GCNA: variants seen among roughly 807,000 people sequenced by gnomAD.
The protein encoded by GCNA is germ cell nuclear acidic protein.
A neutral mutation model predicts 38.8 loss-of-function variants in GCNA; 3 were observed. That is an observed-to-expected ratio of 0.08 (90% confidence interval 0.04 to 0.20). GCNA has a LOEUF of 0.20. Among genes scored for constraint, GCNA ranks in the 10% least tolerant of loss-of-function variants. The pLI is 1.00. For missense variants in GCNA, 446 were observed against 578.6 expected (o/e 0.77, Z 2.35); for synonymous variants, 195 against 240.2 (o/e 0.81, Z 1.74).
At chrX:71,580,938 G>A in intron 2 of GCNA, 58 bp downstream of exon 2, 1 of 1,055,437 alleles carries the variant, frequency 9.5e-7, no homozygotes, top group Admixed American at 2.6e-5. Flanking sequence ...TGGCAAAACA[G>A]CTTTCTCGAG....
intron 11 of GCNA, 104 bp downstream of exon 11, chrX:71,610,923 C>T: frequency 1.8e-6 from 2 of 1,084,299 alleles, no homozygotes; most frequent in Non-Finnish European, 2.5e-6. Context: ...CTCGAACTGT[C>T]ATTCTTGGGT....
Position 71,582,028 on chromosome X carries a change from G to A in GCNA, c.59+1148G>A, listed in dbSNP as rs751291581. On this transcript the variant is annotated intron_variant, in intron 2 of 12. Coordinates refer to ENST00000373696, the MANE Select transcript of GCNA (RefSeq NM_052957.5). ...GACATTAAAATTTTCAGCTTTGGCC[G>A]GGCACACTTTGGGAGGCAGAGGTGG... Among the ~76,000 whole-genome samples the A allele has an allele frequency of 1.6e-4, 17 of 109,436 alleles. No homozygotes were observed. The East Asian group carries it at 4.2e-3, about 27-fold the overall frequency.
intron 10 of GCNA, among the ~76,000 whole-genome samples, chrX:71,610,296 G>A (rs1011259040): frequency 8.9e-6 from 1 of 112,135 alleles, no homozygotes; most frequent in African/African-American, 3.2e-5. Flanking sequence ...AAACTCTGGA[G>A]TTAATATTTT....
rs367815000 is a variant in GCNA at position 71,612,921 on chromosome X, G to T, written c.2015G>T (p.Gly672Val). The T allele has an allele frequency of 8.3e-7, 1 of 1,211,638 alleles. No individual in the cohort carries two copies. The highest frequency in any genetic ancestry group is 3.0e-5 in the East Asian group (1 of 33,842). The change falls in exon 13 of 13, where the codon GGG becomes GTG. Residue 672 changes from glycine to valine, a missense_variant. Physicochemically the swap from Gly to Val is moderately radical, Grantham distance 109. This residue lies in a region of GCNA where 34 missense variants were observed against 33.2 expected (regional missense o/e 1.02). Coordinates refer to ENST00000373696, the MANE Select transcript of GCNA (RefSeq NM_052957.5). ...CGCTTCATCTGTGCCAAATGCAAGG[G>T]GTCTCTGGTCATGGTGCCATTAACT... is the stretch of plus-strand genomic sequence containing the variant. ...TSRFICAKCK[G>V]SLVMVPLTQK...
chrX:71,610,830 G>A lies in GCNA; in HGVS notation c.1750+11G>A. 1 of 1,210,881 alleles carries A rather than the reference G, an allele frequency of 8.3e-7. No individual in the cohort carries two copies. The highest frequency in any genetic ancestry group is 1.1e-6 in the Non-Finnish European group (1 of 895,031). ...TCTGCGACTCTGCAGGTGATGGCAG[G>A]AGTGTGGTAGCTTCACCACTGTGCT... On this transcript the variant is annotated intron_variant, in intron 11 of 12. Coordinates refer to ENST00000373696, the MANE Select transcript of GCNA (RefSeq NM_052957.5).
intron 9 of GCNA, among the ~76,000 whole-genome samples, chrX:71,607,973 G>C (rs2040780512): frequency 8.9e-6 from 1 of 112,014 alleles, no homozygotes; most frequent in Non-Finnish European, 1.9e-5. Context: ...ATAGAGCTTT[G>C]GACAGGGTTG....
chrX:71,609,563 C>T (rs888595929), intron 10 of GCNA, among the ~76,000 whole-genome samples: 6 of 112,209 alleles, frequency 5.3e-5, no homozygotes, highest in African/African-American at 1.9e-4. Flanking sequence ...GGGGACAACA[C>T]AGTACGTATT....
intron 8 of GCNA, 106 bp from the exon 9 acceptor site, chrX:71,605,557 C>T (rs944787216): frequency 1.7e-6 from 1 of 586,827 alleles, no homozygotes; most frequent in African/African-American, 2.3e-5. Context: ...AGAAGTTGCA[C>T]TGGGCTTGGC....
rs900045634 is a variant in GCNA at position 71,613,125 on chromosome X, G to A, written c.*143G>A. On this transcript the variant is annotated 3_prime_UTR_variant, in exon 13 of 13. Coordinates refer to ENST00000373696, the MANE Select transcript of GCNA (RefSeq NM_052957.5). ...TAAGGTTATCTTAGAGTATATTAAT[G>A]TGAGCTATATCCTTTACTGGTAAGA... 2.4e-6 allele frequency: 2 copies of A among 824,539 alleles called. No individual in the cohort carries two copies. The highest frequency in any genetic ancestry group is 3.2e-5 in the East Asian group (1 of 30,786). 68.0% of individuals were successfully genotyped at this position (824,539 alleles called of 1,213,427 possible).
At position 71,605,861 on chromosome X, in the gene GCNA, G is replaced by A. The variant is rs2040765669; in HGVS notation, c.1466+132G>A. The A allele has an allele frequency of 6.2e-6, 3 of 484,431 alleles. No homozygotes were observed. The Admixed American group carries it at 1.2e-4, about 20-fold the overall frequency. 39.9% of individuals were successfully genotyped at this position (484,431 alleles called of 1,213,427 possible). On this transcript the variant is annotated intron_variant, in intron 9 of 12. Coordinates refer to ENST00000373696, the MANE Select transcript of GCNA (RefSeq NM_052957.5). Reference sequence around the variant, plus strand: ...GGCTGGGATGGGACTGGGGGACAAGGTTTCTGTCCTTGAGTAGGAGGGCCC... The same window carrying A: ...GGCTGGGATGGGACTGGGGGACAAGATTTCTGTCCTTGAGTAGGAGGGCCC...
intron 11 of GCNA, 33 bp downstream of exon 11, chrX:71,610,852 T>C (rs1366833309): frequency 8.3e-7 from 1 of 1,205,842 alleles, no homozygotes; most frequent in Non-Finnish European, 1.1e-6. Flanking sequence ...TTCACCACTG[T>C]GCTCTTTCCT....
chrX:71,612,784 C>T, intron 12 of GCNA, 78 bp from the exon 13 acceptor site: 1 of 1,162,788 alleles, frequency 8.6e-7, no homozygotes, highest in Non-Finnish European at 1.2e-6. Context: ...TGCTTTGGGC[C>T]CAAGGCTAAC....
chrX:71,585,793 G>A (rs1398226708), intron 2 of GCNA, among the ~76,000 whole-genome samples: 1 of 104,953 alleles, frequency 9.5e-6, no homozygotes, highest in African/African-American at 3.5e-5. Context: ...TACTTAGTGA[G>A]ATCTAGTAGG....
intron 2 of GCNA, among the ~76,000 whole-genome samples, chrX:71,586,523 G>T (rs991716627): frequency 8.9e-6 from 1 of 111,963 alleles, no homozygotes. Flanking sequence ...GGTAGATGGT[G>T]GTGCCATTGA....
rs2040826423 is a variant in GCNA, at chrX:71,613,180, AG to A, written c.*200del. On this transcript the variant is annotated 3_prime_UTR_variant, in exon 13 of 13. Coordinates refer to ENST00000373696, the MANE Select transcript of GCNA (RefSeq NM_052957.5). ...TTAGAAAAGTTTGTTTTGTGAAGTT[AG>A]GAATATTAGAATTTAGGTACTGTTA... 2.2e-6 allele frequency: 1 copy of A among 465,086 alleles called. No homozygotes were observed. Among genetic ancestry groups the A allele is most frequent in the East Asian group, 3.9e-5 (1 of 25,395 alleles). The allele number at this position is 465,086 out of a possible 1,213,427, so 38.3% of individuals were successfully genotyped here.
intron 7 of GCNA, 136 bp from the exon 8 acceptor site, chrX:71,603,452 C>T (rs749128289): frequency 1.1e-5 from 10 of 937,621 alleles, no homozygotes; most frequent in Non-Finnish European, 1.5e-5. Context: ...TTAAAATAAC[C>T]GATTCTTAAC....
chrX:71,605,591 C>T, intron 8 of GCNA, 72 bp from the exon 9 acceptor site: 2 of 953,043 alleles, frequency 2.1e-6, no homozygotes, highest in Non-Finnish European at 2.9e-6. Context: ...TTTGGGTTTA[C>T]CTTTCTGTTG....
intron 6 of GCNA, among the ~76,000 whole-genome samples, chrX:71,596,612 A>AAGAAACAC (rs1286542364): frequency 8.9e-6 from 1 of 112,251 alleles, no homozygotes; most frequent in Non-Finnish European, 1.9e-5. Context: ...TAGATGGTGA[A>AAGAAACAC]CAAATGTTTA....
chrX:71,608,949 C>A, intron 9 of GCNA, 24 bp from the exon 10 acceptor site: 2 of 1,202,912 alleles, frequency 1.7e-6, no homozygotes, highest in Non-Finnish European at 1.1e-6. Flanking sequence ...GCTACATAAA[C>A]CTCAGTTGAA....
Sources: gnomAD v4.1 joint callset for allele counts (sites outside exome capture counted in the v4.1 genomes callset) on GRCh38, gnomAD v4.1.1 for gene constraint, gnomAD v4.1.1 regional missense constraint, MANE v1.5 for transcripts, NCBI Gene and HGNC (gene_info 2026-07-23, HGNC 2026-07-21) for gene names.